Variants in RPAP1 observed in about 807,000 individuals in gnomAD.
The protein encoded by RPAP1 is RNA polymerase II associated protein 1, also known as RNA polymerase II-associated protein 1.
A neutral mutation model predicts 142.4 loss-of-function variants in RPAP1; 109 were observed. That is an observed-to-expected ratio of 0.77 (90% confidence interval 0.66 to 0.90). RPAP1 has a LOEUF of 0.90. RPAP1 is among the 40% of genes least tolerant of loss of function. The pLI, the probability that RPAP1 is intolerant of heterozygous loss-of-function variation, is 0.00. For synonymous variants in RPAP1, 704 were observed against 738.9 expected, an observed-to-expected ratio of 0.95 and a Z score of 0.77; for missense variants, 1,546 against 1,751.7, an observed-to-expected ratio of 0.88 and a Z score of 2.10.
Position 41,524,114 on chromosome 15 carries a change from G to A in RPAP1, c.2216C>T (p.Thr739Ile). 1 of 1,591,156 alleles carries A rather than the reference G, an allele frequency of 6.3e-7. No homozygotes were observed. The highest frequency in any genetic ancestry group is 8.6e-7 in the Non-Finnish European group (1 of 1,167,024). ...AAACTACCTGATGGTTTCAGCAGGG[G>A]TACTGCCGGCTGCCAGGGTTAGCTG... ...LTQLTLAAGS[T>I]PAETISDSAE... Residue 739 changes from threonine to isoleucine, a missense_variant, in exon 16 of 25, where the codon ACC becomes ATC. Coordinates refer to ENST00000304330, the MANE Select transcript of RPAP1 (RefSeq NM_015540.4).
At chr15:41,525,771 C>T (rs2051785224) in intron 14 of RPAP1, among the ~76,000 whole-genome samples, 1 of 152,160 alleles carries the variant, frequency 6.6e-6, no homozygotes, top group South Asian at 2.1e-4. Context: ...TTCTCTGCCT[C>T]AGCCTCTGGA....
chr15:41,538,002 G>A (rs1174394394), intron 1 of RPAP1, among the ~76,000 whole-genome samples: 1 of 152,138 alleles, frequency 6.6e-6, no homozygotes, highest in African/African-American at 2.4e-5. Flanking sequence ...CCAGCACTTT[G>A]GGAGGCCAAG....
chr15:41,535,412 T>G, intron 5 of RPAP1, 100 bp downstream of exon 5: 2 of 1,464,594 alleles, frequency 1.4e-6, no homozygotes, highest in East Asian at 4.6e-5. Flanking sequence ...ATGGCTCAAA[T>G]GCACCTCTCA....
In RPAP1 at chr15:41,517,626, G is replaced by C. The variant is rs771877539; in HGVS notation, c.4098C>G (p.Leu1366=). Residue 1366 remains leucine (L), a synonymous_variant, in exon 25 of 25, where the codon CTC becomes CTG. Transcript: ENST00000304330. ...GACGCAGAGGGGGCAACTGAGAATA[G>C]AGCTCAAAGCCCTCTGGGAGCGTGG... The part of the protein sequence containing the change: ...PNSTLPEGFE[L]YSQLPPLRQH... 3.0e-5 allele frequency: 48 copies of C among 1,612,156 alleles called. No individual in the cohort carries two copies. The Admixed American group carries it at 8.0e-4, about 27-fold the overall frequency.
chr15:41,523,672 G>T, intron 17 of RPAP1, 99 bp downstream of exon 17: 1 of 997,542 alleles, frequency 1.0e-6, no homozygotes, highest in Non-Finnish European at 1.5e-6. Flanking sequence ...AAATGGGGAA[G>T]TAGGAGTGGA....
rs1403683606 is a variant in RPAP1 at position 41,531,057 on chromosome 15, G to A, written c.909C>T (p.Pro303=). The change falls in exon 7 of 25, where the codon CCC becomes CCT. Residue 303 remains proline, a synonymous_variant. Coordinates refer to ENST00000304330, the MANE Select transcript of RPAP1 (RefSeq NM_015540.4). ...EPLMSAFASE[P]RKRDKLEPEA... is the part of the protein sequence containing the mutation. Reference sequence around the variant, plus strand: ...CTGGCTCCAGCTTGTCTCTCTTCCTGGGCTCACTGGCAAAAGCTGACATGA... The same window carrying A: ...CTGGCTCCAGCTTGTCTCTCTTCCTAGGCTCACTGGCAAAAGCTGACATGA... The A allele has an allele frequency of 1.9e-6, 3 of 1,613,560 alleles. No individual in the cohort carries two copies. The highest frequency in any genetic ancestry group is 1.7e-4 in the Middle Eastern group (1 of 6,058).
chr15:41,526,899 A>G lies in RPAP1; in HGVS notation c.1916T>C (p.Leu639Pro). Reference sequence around the variant, plus strand: ...TCCCTTGCCCTGTGTCCTGCTCACCAGCCGGGCAGCAATATTCCTCCCAGC... The same window carrying G: ...TCCCTTGCCCTGTGTCCTGCTCACCGGCCGGGCAGCAATATTCCTCCCAGC... Reference protein sequence around the residue: ...ASAGRNIAARLLSSFDLRSRL... With the variant: ...ASAGRNIAARPLSSFDLRSRL... The change falls in exon 14 of 25, where the codon CTG becomes CCG. Residue 639 changes from leucine (L) to proline (P), a missense_variant and splice_region_variant. Coordinates refer to ENST00000304330, the MANE Select transcript of RPAP1 (RefSeq NM_015540.4). The G allele has an allele frequency of 6.2e-7, 1 of 1,609,968 alleles. No individual in the cohort carries two copies. The highest frequency in any genetic ancestry group is 8.5e-7 in the Non-Finnish European group (1 of 1,177,060).
In RPAP1 at chr15:41,531,170, T is replaced by C; in HGVS notation, c.796A>G (p.Ser266Gly). Residue 266 changes from serine to glycine, a missense_variant, in exon 7 of 25, where the codon AGC becomes GGC. This residue lies in a region of RPAP1 where 1,333 missense variants were observed against 1,486.6 expected (regional missense o/e 0.90). Transcript: ENST00000304330. ...PSLVAFLRSH[S>G]HTQEQTGETA... The stretch of plus-strand genomic sequence containing the variant: ...TCTCCTGTTTGCTCTTGCGTGTGGC[T>C]GTGAGATCTCAAGAAAGCAACCAAG... 3 of 1,613,088 alleles carry C rather than the reference T, an allele frequency of 1.9e-6. No individual in the cohort carries two copies. Among genetic ancestry groups the C allele is most frequent in the Non-Finnish European group, 2.5e-6 (3 of 1,179,226 alleles).
intron 19 of RPAP1, 50 bp downstream of exon 19, chr15:41,522,715 C>T (rs1391873319): frequency 8.3e-7 from 1 of 1,202,908 alleles, no homozygotes; most frequent in Non-Finnish European, 1.1e-6. Flanking sequence ...TTTCTGATTC[C>T]TGCCATCTTG....
chr15:41,530,552 T>A (rs375882211), intron 7 of RPAP1, among the ~76,000 whole-genome samples: 24 of 152,294 alleles, frequency 1.6e-4, no homozygotes, highest in African/African-American at 5.8e-4. Flanking sequence ...ATAATCTAGT[T>A]TCTGGGAAAT....
rs141499817 is a variant in RPAP1 at position 41,521,073 on chromosome 15, C to T, written c.3113G>A (p.Arg1038Gln). 157 of 1,545,462 alleles carry T rather than the reference C, an allele frequency of 1.0e-4. No individual in the cohort carries two copies. The highest frequency in any genetic ancestry group is 5.2e-4 in the Middle Eastern group (3 of 5,718). The change falls in exon 22 of 25, where the codon CGG becomes CAG. Residue 1038 changes from arginine to glutamine, a missense_variant. Transcript: ENST00000304330. ...QLSLGSSRVP[R>Q]CGQGTLLAQA... ...AGCCAGCAGAGTCCCTTGCCCACACCGAGGGACCCTGCTGCTTCCTAACGA... is the reference window on the plus strand; with the variant it reads ...AGCCAGCAGAGTCCCTTGCCCACACTGAGGGACCCTGCTGCTTCCTAACGA...
At chr15:41,531,591 G>GCACACACA (rs542148991) in intron 6 of RPAP1, among the ~76,000 whole-genome samples, 10 of 126,754 alleles carry the variant, frequency 7.9e-5, no homozygotes, top group East Asian at 2.4e-4. Context: ...ATTTATTTAT[G>GCACACACA]CACACACACA....
chr15:41,537,654 G>A (rs1277564573), intron 1 of RPAP1, among the ~76,000 whole-genome samples: 1 of 151,882 alleles, frequency 6.6e-6, no homozygotes, highest in East Asian at 1.9e-4. Flanking sequence ...GGCCGAGGAG[G>A]GTGGGTCACC....
rs748159956 is a variant in RPAP1 at position 41,520,902 on chromosome 15, G to A, written c.3284C>T (p.Pro1095Leu). The A allele has an allele frequency of 2.9e-5, 46 of 1,613,320 alleles. No homozygotes were observed. In the East Asian group the frequency reaches 4.9e-4, roughly 17 times the overall value. ...PTLLLPMPTEPLLPTDWPFLP... is the reference protein window; with the variant it reads ...PTLLLPMPTELLLPTDWPFLP... Reference sequence around the variant, plus strand: ...GAAGGGCCAGTCGGTGGGCAGCAGCGGCTCCGTAGGCATGGGCAGTAGCAG... The same window carrying A: ...GAAGGGCCAGTCGGTGGGCAGCAGCAGCTCCGTAGGCATGGGCAGTAGCAG... The change falls in exon 22 of 25, where the codon CCG (proline) becomes CTG (leucine). Residue 1095 changes from proline to leucine, a missense_variant. Pro to Leu is a moderately conservative substitution (Grantham distance 98). Coordinates refer to ENST00000304330, the MANE Select transcript of RPAP1 (RefSeq NM_015540.4).
chr15:41,526,501 C>T (rs912274512), intron 14 of RPAP1, among the ~76,000 whole-genome samples: 2 of 152,204 alleles, frequency 1.3e-5, no homozygotes, highest in African/African-American at 2.4e-5. Flanking sequence ...GATCCTCCTG[C>T]CTTGGCCTCC....
chr15:41,530,853 G>A (rs530171210), intron 7 of RPAP1, among the ~76,000 whole-genome samples, 170 bp downstream of exon 7: 7 of 152,336 alleles, frequency 4.6e-5, no homozygotes, highest in Admixed American at 3.9e-4. Context: ...GCATGTGCAG[G>A]AAGAAGACAT....
rs779461223 is a variant in RPAP1 at position 41,520,497 on chromosome 15, G to A, written c.3689C>T (p.Ala1230Val). 1.2e-6 allele frequency: 2 copies of A among 1,614,106 alleles called. No homozygotes were observed. Among genetic ancestry groups the A allele is most frequent in the Admixed American group, 1.7e-5 (1 of 60,004 alleles). Reference sequence around the variant, plus strand: ...ACGCTGCAGGGGCAGGAGGACCAGGGCCCCAAAGAGGTGGTCCCCAAAAGA... The same window carrying A: ...ACGCTGCAGGGGCAGGAGGACCAGGACCCCAAAGAGGTGGTCCCCAAAAGA... Reference protein sequence around the residue: ...AVSFGDHLFGALVLLPLQRRF... With the variant: ...AVSFGDHLFGVLVLLPLQRRF... Residue 1230 changes from alanine to valine, a missense_variant, in exon 22 of 25, where the codon GCC becomes GTC. By Grantham distance (64) the Ala-to-Val change is moderately conservative. Transcript: ENST00000304330.
intron 1 of RPAP1, among the ~76,000 whole-genome samples, chr15:41,543,055 A>G (rs943193715): frequency 2.0e-5 from 3 of 152,178 alleles, no homozygotes; most frequent in African/African-American, 7.2e-5. Flanking sequence ...AGCTCACTTC[A>G]TAGGGTGCGC....
intron 6 of RPAP1, among the ~76,000 whole-genome samples, chr15:41,531,908 T>G (rs1393476146): frequency 6.6e-6 from 1 of 151,800 alleles, no homozygotes; most frequent in Non-Finnish European, 1.5e-5. Flanking sequence ...CATGCTGGAG[T>G]GCAGTGGCAC....
Sources: allele counts gnomAD v4.1 joint callset (sites outside exome capture counted in the v4.1 genomes callset), GRCh38; gene constraint gnomAD v4.1.1; regional missense constraint gnomAD v4.1.1; transcripts MANE v1.5; gene names NCBI Gene and HGNC (gene_info 2026-07-23, HGNC 2026-07-21).